Variants in PXDNL observed in about 807,000 individuals in gnomAD.
The protein encoded by PXDNL is peroxidasin like.
A neutral mutation model predicts 150.8 loss-of-function variants in PXDNL; 145 were observed. The observed-to-expected ratio is 0.96, with a 90% CI of 0.84 to 1.10. The LOEUF is 1.10. Ranked by LOEUF, PXDNL falls within the 50% of genes least tolerant of loss-of-function variation. The pLI is 0.00. For synonymous variants in PXDNL, 757 were observed against 725.7 expected (o/e 1.04, Z -0.69); for missense variants, 2,087 against 1,873.9 (o/e 1.11, Z -2.10).
chr8:51,564,955 C>T (rs1223958274), intron 3 of PXDNL, among the ~76,000 whole-genome samples: 1 of 151,840 alleles, frequency 6.6e-6, no homozygotes, highest in Non-Finnish European at 1.5e-5. Context: ...TTACTTCTCC[C>T]TTCCCAATCT....
chr8:51,715,083 A>C, intron 1 of PXDNL, among the ~76,000 whole-genome samples: 1 of 152,330 alleles, frequency 6.6e-6, no homozygotes, highest in Admixed American at 6.5e-5. Flanking sequence ...CTTAAAAGAT[A>C]AATATTAAAT....
Position 51,408,276 on chromosome 8 carries a change from G to GT in PXDNL, c.3347dup (p.Tyr1116Ter). 1 of 1,613,922 alleles carries GT rather than the reference G, an allele frequency of 6.2e-7. No individual in the cohort carries two copies. Among genetic ancestry groups the GT allele is most frequent in the Non-Finnish European group, 8.5e-7 (1 of 1,179,860 alleles). The change falls in exon 17 of 23, where the codon TAC becomes TAAC. Residue 1116 changes from tyrosine (Y) to a stop codon, truncating the protein, a stop_gained and frameshift_variant. Transcript: ENST00000356297. LOFTEE classifies it high-confidence loss of function. ...TCTGGGTCAGCTCAGGACTGAGAAG[G>GT]TAGGAGGGTGCCCGCCATTTAGCAG... ...GVAAKWRAPSYLLSPELTQRL... is the reference protein window; with the variant it reads ...GVAAKWRAPS
At chr8:51,650,101 C>CAA (rs11451376) in intron 2 of PXDNL, among the ~76,000 whole-genome samples, 64,147 of 112,988 alleles carry the variant, frequency 0.57, 18,844 homozygotes, top group Non-Finnish European at 0.67. Context: ...GACTTTGTCT[C>CAA]AAAAAAAAAA....
At chr8:51,679,132 C>A (rs1034493085) in intron 1 of PXDNL, among the ~76,000 whole-genome samples, 4 of 152,142 alleles carry the variant, frequency 2.6e-5, no homozygotes, top group Non-Finnish European at 5.9e-5. Context: ...GGCACTTTTC[C>A]CATTCTAAAG....
At chr8:51,761,749 G>A (rs1205556891) in intron 1 of PXDNL, among the ~76,000 whole-genome samples, 5 of 152,032 alleles carry the variant, frequency 3.3e-5, no homozygotes, top group Non-Finnish European at 7.4e-5. Context: ...CTGAGAAAAG[G>A]TATTCCAAAG....
chr8:51,640,826 A>T (rs1814732173), intron 2 of PXDNL, among the ~76,000 whole-genome samples: 1 of 151,916 alleles, frequency 6.6e-6, no homozygotes, highest in Non-Finnish European at 1.5e-5. Context: ...GCTACCAATG[A>T]CTTTCTTCAC....
chr8:51,782,423 C>G (rs955796774), intron 1 of PXDNL, among the ~76,000 whole-genome samples: 2 of 152,144 alleles, frequency 1.3e-5, no homozygotes, highest in Non-Finnish European at 2.9e-5. Context: ...CTATCAGTTC[C>G]CTCCTATGGC....
At chr8:51,396,181 A>G (rs1808075952) in intron 17 of PXDNL, among the ~76,000 whole-genome samples, 1 of 152,216 alleles carries the variant, frequency 6.6e-6, no homozygotes, top group South Asian at 2.1e-4. Context: ...GGGAATGGGA[A>G]TTTGACTGCA....
chr8:51,600,148 T>C (rs1165538275), intron 2 of PXDNL, among the ~76,000 whole-genome samples: 2 of 145,534 alleles, frequency 1.4e-5, no homozygotes, highest in Non-Finnish European at 3.0e-5. Flanking sequence ...ATACCTTATA[T>C]AAATTATATC....
chr8:51,617,268 T>C (rs1814149193), intron 2 of PXDNL, among the ~76,000 whole-genome samples: 1 of 152,246 alleles, frequency 6.6e-6, no homozygotes, highest in African/African-American at 2.4e-5. Context: ...TTAAAATTAG[T>C]TGACATTAAA....
At chr8:51,457,431 T>C in intron 9 of PXDNL, 67 bp downstream of exon 9, 1 of 1,307,386 alleles carries the variant, frequency 7.6e-7, no homozygotes, top group Non-Finnish European at 1.1e-6. Context: ...TTACATACTC[T>C]AAAGCAGCAA....
At chr8:51,789,162 G>C (rs2037487184) in intron 1 of PXDNL, among the ~76,000 whole-genome samples, 2 of 151,552 alleles carry the variant, frequency 1.3e-5, no homozygotes, top group Non-Finnish European at 2.9e-5. Flanking sequence ...GTGTTGCAAA[G>C]AGTGGCCTAT....
intron 5 of PXDNL, among the ~76,000 whole-genome samples, chr8:51,487,935 C>T (rs966655264): frequency 7.9e-5 from 12 of 152,180 alleles, no homozygotes; most frequent in Non-Finnish European, 1.0e-4. Context: ...TCCTGCTGAA[C>T]GCACATTACT....
At chr8:51,633,439 T>C (rs1263760411) in intron 2 of PXDNL, among the ~76,000 whole-genome samples, 1 of 152,196 alleles carries the variant, frequency 6.6e-6, no homozygotes, top group African/African-American at 2.4e-5. Flanking sequence ...GGTCGAATGG[T>C]AGTTTAAGTT....
At chr8:51,503,172 A>G (rs1225370398) in intron 4 of PXDNL, among the ~76,000 whole-genome samples, 3 of 152,114 alleles carry the variant, frequency 2.0e-5, no homozygotes, top group Admixed American at 6.5e-5. Context: ...ACTCACCCAG[A>G]GATGCCCTGA....
intron 17 of PXDNL, among the ~76,000 whole-genome samples, chr8:51,405,241 G>A (rs1319898688): frequency 1.3e-5 from 2 of 152,218 alleles, no homozygotes; most frequent in African/African-American, 4.8e-5. Context: ...GCAACCGCGG[G>A]GTGAAGGGCT....
chr8:51,491,559 C>T (rs1233677431), intron 5 of PXDNL, among the ~76,000 whole-genome samples: 10 of 152,126 alleles, frequency 6.6e-5, no homozygotes, highest in Admixed American at 6.5e-4. Flanking sequence ...CTGATGGATC[C>T]CAAGCTAAGA....
intron 4 of PXDNL, among the ~76,000 whole-genome samples, chr8:51,531,792 A>G (rs1264449260): frequency 2.0e-5 from 3 of 152,252 alleles, no homozygotes; most frequent in Non-Finnish European, 4.4e-5. Context: ...AGGCATTCAA[A>G]GAAAGGATGT....
chr8:51,400,630 CT>C (rs1335629901), intron 17 of PXDNL, among the ~76,000 whole-genome samples: 3 of 152,236 alleles, frequency 2.0e-5, no homozygotes, highest in Non-Finnish European at 4.4e-5. Context: ...GGCCTTGTCA[CT>C]TTTTATTTGC....
Sources: allele counts gnomAD v4.1 joint callset (sites outside exome capture counted in the v4.1 genomes callset), GRCh38; gene constraint gnomAD v4.1.1; transcripts MANE v1.5; gene names NCBI Gene and HGNC (gene_info 2026-07-23, HGNC 2026-07-21).